The following SMAD1 variants were observed in gnomAD, a reference collection of about 807,000 sequenced individuals.
The protein encoded by SMAD1 is SMAD family member 1, also known as MAD, mothers against decapentaplegic homolog 1.
SMAD1 carries 6 observed loss-of-function variants against 41.6 expected under a neutral mutation model. The ratio of observed to expected loss-of-function variants is 0.14; its 90% CI spans 0.08 to 0.28. SMAD1 has a LOEUF of 0.28. Among genes scored for constraint, SMAD1 ranks in the 10% least tolerant of loss-of-function variants. The probability of loss-of-function intolerance (pLI) is 1.00; values close to 1 mark genes in which losing one functional copy is unlikely to be tolerated. For missense variants in SMAD1, 379 were observed against 582.6 expected, an observed-to-expected ratio of 0.65 and a Z score of 3.60; for synonymous variants, 206 against 203.2, an observed-to-expected ratio of 1.01 and a Z score of -0.12.
intron 4 of SMAD1, among the ~76,000 whole-genome samples, chr4:145,543,618 G>A (rs969945241): frequency 8.5e-5 from 13 of 152,158 alleles, no homozygotes; most frequent in African/African-American, 3.1e-4. Flanking sequence ...TTTGATTCCA[G>A]CGCTGTATAT....
chr4:145,527,679 C>A (rs1731100747), intron 2 of SMAD1, among the ~76,000 whole-genome samples: 1 of 152,050 alleles, frequency 6.6e-6, no homozygotes. Flanking sequence ...AACCACTGTG[C>A]TATACTGCTT....
intron 1 of SMAD1, among the ~76,000 whole-genome samples, chr4:145,513,795 A>G (rs1353635982): frequency 6.6e-6 from 1 of 152,212 alleles, no homozygotes; most frequent in Non-Finnish European, 1.5e-5. Context: ...AAATATTACA[A>G]TATCTTTTGA....
At chr4:145,485,007 C>G (rs1419148787) in intron 1 of SMAD1, among the ~76,000 whole-genome samples, 1 of 152,192 alleles carries the variant, frequency 6.6e-6, no homozygotes, top group East Asian at 1.9e-4. Context: ...CCTTATTTAG[C>G]TTATGGATTA....
intron 2 of SMAD1, among the ~76,000 whole-genome samples, chr4:145,529,980 C>T (rs935319490): frequency 6.6e-6 from 1 of 152,176 alleles, no homozygotes; most frequent in Non-Finnish European, 1.5e-5. Context: ...TTGAGAAAGA[C>T]TGGTTTATAT....
At chr4:145,508,902 C>T (rs577615977) in intron 1 of SMAD1, among the ~76,000 whole-genome samples, 6 of 152,278 alleles carry the variant, frequency 3.9e-5, no homozygotes, top group South Asian at 2.1e-4. Context: ...ATGGGAGCTC[C>T]GTCCTCATGA....
At position 145,542,586 on chromosome 4, in the gene SMAD1, T is replaced by C; in HGVS notation, c.663T>C (p.Asp221=). Reference sequence around the variant, plus strand: ...ACTTCTTTAAAAACTTTGTAGCTGATACGCCCCCACCTGCTTACCTGCCTC... The same window carrying C: ...ACTTCTTTAAAAACTTTGTAGCTGACACGCCCCCACCTGCTTACCTGCCTC... The part of the protein sequence containing the change: ...DPGSPFQMPA[D]TPPPAYLPPE... The change falls in exon 4 of 7, where the codon GAT becomes GAC. Residue 221 remains aspartate, a synonymous_variant. Coordinates refer to ENST00000302085, the MANE Select transcript of SMAD1 (RefSeq NM_005900.3). The C allele has an allele frequency of 6.2e-7, 1 of 1,600,968 alleles. No individual in the cohort carries two copies.
chr4:145,515,685 T>G (rs999331877), intron 2 of SMAD1, among the ~76,000 whole-genome samples: 1 of 152,202 alleles, frequency 6.6e-6, no homozygotes, highest in Non-Finnish European at 1.5e-5. Flanking sequence ...TTTATACGGT[T>G]TTGCCCTCAA....
chr4:145,509,609 A>G (rs1317519581), intron 1 of SMAD1, among the ~76,000 whole-genome samples: 1 of 152,208 alleles, frequency 6.6e-6, no homozygotes, highest in African/African-American at 2.4e-5. Context: ...AGATGGACAT[A>G]TAGAATATGA....
rs780074918 is a variant in SMAD1, at chr4:145,542,692, A to C, written c.769A>C (p.Arg257=). The C allele has an allele frequency of 6.2e-7, 1 of 1,605,682 alleles. No homozygotes were observed. The highest frequency in any genetic ancestry group is 1.1e-5 in the South Asian group (1 of 90,152). Reference sequence around the variant, plus strand: ...GCCTCCCCTGCCCTCAGAAATCAACAGAGGAGGTAAAACTAATTGCTGCCT... The same window carrying C: ...GCCTCCCCTGCCCTCAGAAATCAACCGAGGAGGTAAAACTAATTGCTGCCT... ...MAPPLPSEIN[R]GDVQAVAYEE... is the part of the protein sequence containing the mutation. Residue 257 remains arginine (R), a synonymous_variant, in exon 4 of 7, where the codon AGA becomes CGA. Coordinates refer to ENST00000302085, the MANE Select transcript of SMAD1 (RefSeq NM_005900.3).
At position 145,546,909 on chromosome 4, in the gene SMAD1, C is replaced by A; in HGVS notation, c.982C>A (p.Arg328=). 1 of 1,613,698 alleles carries A rather than the reference C, an allele frequency of 6.2e-7. No homozygotes were observed. Among genetic ancestry groups the A allele is most frequent in the South Asian group, 1.1e-5 (1 of 91,066 alleles). Residue 328 remains arginine (R), a synonymous_variant, in exon 5 of 7, where the codon CGG becomes AGG. Transcript: ENST00000302085. ...GAATTCCACTATTGAAAACACCAGG[C>A]GGCATATTGGAAAAGGTGAGTTTTT... ...NRNSTIENTR[R]HIGKGVHLYY...
chr4:145,540,734 CAAAAA>C (rs921011866), intron 3 of SMAD1, among the ~76,000 whole-genome samples: 1 of 81,628 alleles, frequency 1.2e-5, no homozygotes, highest in Admixed American at 1.3e-4. Flanking sequence ...CAAGCATCTC[CAAAAA>C]AAAAAAAAAA....
In SMAD1 at chr4:145,515,009, C is replaced by T. The variant is rs1263663029; in HGVS notation, c.396C>T (p.Ser132=). 4 of 1,597,732 alleles carry T rather than the reference C, an allele frequency of 2.5e-6. No homozygotes were observed. The highest frequency in any genetic ancestry group is 2.7e-5 in the African/African-American group (2 of 74,374). ...INPYHYKRVE[S]PVLPPVLVPR... is the part of the protein sequence containing the mutation. ...CCTACCACTATAAGAGAGTAGAAAG[C>T]CCTGGTAAGTGAGTTATTTTATGTT... is the stretch of plus-strand genomic sequence containing the variant. The change falls in exon 2 of 7, where the codon AGC becomes AGT. Residue 132 remains serine, a synonymous_variant. Transcript: ENST00000302085.
chr4:145,525,269 G>A (rs76059600), intron 2 of SMAD1, among the ~76,000 whole-genome samples: 3,619 of 152,280 alleles, frequency 0.024, 138 homozygotes, highest in African/African-American at 0.082. Context: ...AAATGAAAAT[G>A]TTCTCCGGAA....
chr4:145,538,856 G>C (rs753718847), intron 2 of SMAD1, among the ~76,000 whole-genome samples: 5 of 152,128 alleles, frequency 3.3e-5, no homozygotes, highest in Non-Finnish European at 7.4e-5. Flanking sequence ...TCTAACCCTA[G>C]GATCTGGCTA....
chr4:145,557,865 C>A lies in SMAD1; in HGVS notation c.1329C>A (p.Pro443=). 1.2e-6 allele frequency: 2 copies of A among 1,612,642 alleles called. No homozygotes were observed. The highest frequency in any genetic ancestry group is 8.5e-7 in the Non-Finnish European group (1 of 1,178,940). ...PCWIEIHLHG[P]LQWLDKVLTQ... is the part of the protein sequence containing the mutation. Reference sequence around the variant, plus strand: ...GGATTGAGATACATCTGCACGGCCCCCTCCAGTGGCTGGATAAAGTTCTTA... The same window carrying A: ...GGATTGAGATACATCTGCACGGCCCACTCCAGTGGCTGGATAAAGTTCTTA... The change falls in exon 7 of 7, where the codon CCC becomes CCA. Residue 443 remains proline, a synonymous_variant. Coordinates refer to ENST00000302085, the MANE Select transcript of SMAD1 (RefSeq NM_005900.3).
chr4:145,543,988 T>C (rs1732100120), intron 4 of SMAD1, among the ~76,000 whole-genome samples: 1 of 152,214 alleles, frequency 6.6e-6, no homozygotes, highest in Non-Finnish European at 1.5e-5. Context: ...TTTAAGTACT[T>C]AAAATTGATT....
rs1415173599 is a variant in SMAD1 at position 145,546,792 on chromosome 4, G to C, written c.865G>C (p.Ala289Pro). 1.2e-6 allele frequency: 2 copies of C among 1,613,910 alleles called. No individual in the cohort carries two copies. Among genetic ancestry groups the C allele is most frequent in the Non-Finnish European group, 1.7e-6 (2 of 1,179,948 alleles). ...CAATCGTGTGGGTGAAGCGTTCCAT[G>C]CCTCCTCCACAAGTGTGTTGGTGGA... ...LNNRVGEAFH[A>P]SSTSVLVDGF... The change falls in exon 5 of 7, where the codon GCC (alanine) becomes CCC (proline). Residue 289 changes from alanine (A) to proline (P), a missense_variant. Transcript: ENST00000302085.
At chr4:145,547,192 C>T (rs1034518080) in intron 5 of SMAD1, among the ~76,000 whole-genome samples, 3 of 152,146 alleles carry the variant, frequency 2.0e-5, no homozygotes, top group African/African-American at 7.2e-5. Context: ...TGATATTTTG[C>T]TGCAGAATAA....
chr4:145,509,852 CA>C (rs573927137), intron 1 of SMAD1, among the ~76,000 whole-genome samples: 30 of 152,066 alleles, frequency 2.0e-4, no homozygotes, highest in Non-Finnish European at 4.0e-4. Flanking sequence ...AAAAGGAAAA[CA>C]GCGGACACCC....
Sources: gnomAD v4.1 joint callset for allele counts (sites outside exome capture counted in the v4.1 genomes callset) on GRCh38, gnomAD v4.1.1 for gene constraint, MANE v1.5 for transcripts, NCBI Gene and HGNC (gene_info 2026-07-23, HGNC 2026-07-21) for gene names.